The following LIMK2 variants were observed in gnomAD, a reference collection of about 807,000 sequenced individuals.
LIMK2 encodes LIM domain kinase 2.
LIMK2 carries 35 observed loss-of-function variants against 75.7 expected under a neutral mutation model. That is an observed-to-expected ratio of 0.46 (90% CI 0.35 to 0.61). LIMK2 has a LOEUF of 0.61. LIMK2 is among the 20% of genes least tolerant of loss of function. LIMK2 has a pLI of 0.00. For synonymous variants in LIMK2, 301 were observed against 319.2 expected (o/e 0.94, Z 0.61); for missense variants, 623 against 831.0 (o/e 0.75, Z 3.08).
chr22:31,222,584 A>G (rs2048444921), intron 1 of LIMK2, among the ~76,000 whole-genome samples: 1 of 151,518 alleles, frequency 6.6e-6, no homozygotes, highest in Non-Finnish European at 1.5e-5. Flanking sequence ...CATGTTGGCC[A>G]GGCTGGTCTC....
At chr22:31,248,917 G>A (rs1169789861) in intron 2 of LIMK2, 5 of 794,328 alleles carry the variant, frequency 6.3e-6, no homozygotes, top group Non-Finnish European at 1.0e-5. Context: ...AAGGAGAATC[G>A]GCCTTGTGAG....
At position 31,266,944 on chromosome 22, in the gene LIMK2, C is replaced by G. The variant is rs533177692; in HGVS notation, c.1042-40C>G. On this transcript the variant is annotated intron_variant, in intron 8 of 15. Coordinates refer to ENST00000331728, the MANE Select transcript of LIMK2 (RefSeq NM_005569.4). ...TTTCTCAAACAGTTCTCCAGAACTT[C>G]CTCTGGTCTCAGCACCATTAACAGT... 47 of 1,408,996 alleles carry G rather than the reference C, an allele frequency of 3.3e-5. No individual in the cohort carries two copies. The South Asian group carries it at 4.8e-4, about 14-fold the overall frequency. The allele number at this position is 1,408,996 out of a possible 1,614,324, so 87.3% of individuals were successfully genotyped here.
At chr22:31,245,894 C>A (rs567615908) in intron 2 of LIMK2, among the ~76,000 whole-genome samples, 2 of 151,482 alleles carry the variant, frequency 1.3e-5, no homozygotes, top group African/African-American at 4.8e-5. Context: ...AAGCCAGGGC[C>A]GGGCGCAGTG....
At chr22:31,243,932 A>G (rs1236258929) in intron 2 of LIMK2, among the ~76,000 whole-genome samples, 1 of 152,218 alleles carries the variant, frequency 6.6e-6, no homozygotes, top group Admixed American at 6.5e-5. Context: ...CTGGTGATCA[A>G]TCCTTCAAAG....
intron 1 of LIMK2, among the ~76,000 whole-genome samples, chr22:31,224,398 C>A (rs982661728): frequency 2.6e-5 from 4 of 152,248 alleles, no homozygotes; most frequent in East Asian, 3.9e-4. Context: ...TTCCTGGTTC[C>A]CCTCATTGGA....
intron 1 of LIMK2, among the ~76,000 whole-genome samples, chr22:31,214,516 C>T (rs2048373807): frequency 6.6e-6 from 1 of 151,446 alleles, no homozygotes. Context: ...CTATGTTGCC[C>T]ACGGTGGTTT....
chr22:31,266,544 G>T (rs575924160), intron 8 of LIMK2, among the ~76,000 whole-genome samples: 1 of 152,230 alleles, frequency 6.6e-6, no homozygotes, highest in African/African-American at 2.4e-5. Flanking sequence ...CTGGGAGGGG[G>T]GGTCAGGTAA....
chr22:31,264,254 G>C lies in LIMK2; in HGVS notation c.854+1463G>C, dbSNP rs143790472. ...ATCTGTAGAGCCACCATGCAGAGGA[G>C]GGGGGCAGCTAGCCTTGTGTGCTCT... On this transcript the variant is annotated intron_variant, in intron 7 of 15. Transcript: ENST00000331728. Among the ~76,000 whole-genome samples the C allele has an allele frequency of 3.9e-5, 6 of 152,290 alleles. No homozygotes were observed. The East Asian group carries it at 5.8e-4, about 15-fold the overall frequency.
intron 2 of LIMK2, among the ~76,000 whole-genome samples, chr22:31,254,867 G>A (rs2048761676): frequency 6.6e-6 from 1 of 151,826 alleles, no homozygotes; most frequent in African/African-American, 2.4e-5. Context: ...GCTGAGGTGG[G>A]AAAATCACTT....
intron 2 of LIMK2, among the ~76,000 whole-genome samples, chr22:31,251,634 C>T (rs2048726137): frequency 6.6e-6 from 1 of 152,158 alleles, no homozygotes; most frequent in South Asian, 2.1e-4. Context: ...TCTTGCTGTT[C>T]GTAGGCTTCA....
Position 31,265,912 on chromosome 22 carries a change from A to T in LIMK2, c.855-34A>T, listed in dbSNP as rs183482659. The T allele has an allele frequency of 1.0e-4, 167 of 1,601,350 alleles. 2 individuals carry two copies. The highest frequency in any genetic ancestry group is 8.8e-4 in the African/African-American group (66 of 74,778). ...GTTTCTTGGCCGGTCTCTGAGGACT[A>T]CACATCCCTACTCCCGTCTTTCCTC... On this transcript the variant is annotated intron_variant, in intron 7 of 15. Transcript: ENST00000331728.
intron 2 of LIMK2, among the ~76,000 whole-genome samples, chr22:31,237,879 C>T (rs2123796176): frequency 6.7e-6 from 1 of 150,208 alleles, no homozygotes; most frequent in African/African-American, 2.4e-5. Context: ...CCGAGGTGGG[C>T]AGATCATTTG....
At chr22:31,263,895 G>A (rs1173579787) in intron 7 of LIMK2, among the ~76,000 whole-genome samples, 3 of 152,168 alleles carry the variant, frequency 2.0e-5, no homozygotes, top group Non-Finnish European at 1.5e-5. Context: ...AGAGGCTGAG[G>A]AGGAGGATTG....
At chr22:31,239,609 ACTT>A (rs375886680) in intron 2 of LIMK2, among the ~76,000 whole-genome samples, 1,615 of 152,204 alleles carry the variant, frequency 0.011, 10 homozygotes, top group Middle Eastern at 0.024. Context: ...CCAATCAGAG[ACTT>A]CTTCTCTCTT....
rs577563799 is a variant in LIMK2, at chr22:31,246,029, C to T, written c.117-12262C>T. ...CTGTACTAAAAACACAAAAATTAGC[C>T]GAGCATGGTGGCATGCGCCTGTAGT... On this transcript the variant is annotated intron_variant, in intron 2 of 15. Transcript: ENST00000331728. Among the ~76,000 whole-genome samples the T allele has an allele frequency of 9.2e-5, 14 of 152,010 alleles. No homozygotes were observed. In the East Asian group the frequency reaches 2.1e-3, roughly 23 times the overall value.
At chr22:31,238,102 G>A (rs1467387690) in intron 2 of LIMK2, among the ~76,000 whole-genome samples, 7 of 130,990 alleles carry the variant, frequency 5.3e-5, no homozygotes, top group African/African-American at 2.2e-4. Flanking sequence ...GTGACAGAGG[G>A]AGACACTGTC....
intron 1 of LIMK2, among the ~76,000 whole-genome samples, chr22:31,221,573 C>G (rs2048434611): frequency 6.6e-6 from 1 of 152,160 alleles, no homozygotes; most frequent in Non-Finnish European, 1.5e-5. Context: ...CAACCTCCGC[C>G]TACCAGGTTC....
At chr22:31,223,535 G>A (rs1378947408) in intron 1 of LIMK2, among the ~76,000 whole-genome samples, 1 of 152,150 alleles carries the variant, frequency 6.6e-6, no homozygotes, top group Non-Finnish European at 1.5e-5. Flanking sequence ...CTCATAAACT[G>A]ACCCTGAAAG....
chr22:31,276,995 T>C, intron 15 of LIMK2: 3 of 1,613,744 alleles, frequency 1.9e-6, no homozygotes, highest in Non-Finnish European at 2.5e-6. Flanking sequence ...GTGGATGAGC[T>C]CCTGGACATG....
Sources: allele counts gnomAD v4.1 joint callset (sites outside exome capture counted in the v4.1 genomes callset), GRCh38; gene constraint gnomAD v4.1.1; transcripts MANE v1.5; gene names NCBI Gene and HGNC (gene_info 2026-07-23, HGNC 2026-07-21).